Variants in RNF121 observed in about 807,000 individuals in gnomAD.
RNF121 encodes the protein ring finger protein 121.
RNF121 carries 21 observed loss-of-function variants against 46.5 expected under a neutral mutation model. The observed-to-expected ratio is 0.45, with a 90% CI of 0.32 to 0.65. The LOEUF (loss-of-function observed/expected upper bound fraction) is 0.65, where lower values mean the gene tolerates loss of function less well. RNF121 is among the 30% of genes least tolerant of loss of function. RNF121 has a pLI of 0.04. For missense variants in RNF121, 346 were observed against 416.0 expected, an observed-to-expected ratio of 0.83 and a Z score of 1.46; for synonymous variants, 139 against 144.7, an observed-to-expected ratio of 0.96 and a Z score of 0.28.
chr11:71,991,080 A>C (rs1457680394), intron 6 of RNF121, among the ~76,000 whole-genome samples: 1 of 152,162 alleles, frequency 6.6e-6, no homozygotes, highest in Non-Finnish European at 1.5e-5. Context: ...AGGAGGAGGG[A>C]GTGGGGACAA....
rs79411337 is a variant in RNF121, at chr11:71,934,015, C to T, written c.63+4891C>T. ...TCTATGTACTGTTTCTAATTACTTC[C>T]GGGCTTTGTTGGTGCTGTCCAGTCT... On this transcript the variant is annotated intron_variant, in intron 1 of 8. Coordinates refer to ENST00000361756, the MANE Select transcript of RNF121 (RefSeq NM_018320.5). 1.3e-3 allele frequency among the ~76,000 whole-genome samples: 204 copies of T among 152,276 alleles called. 2 individuals carry two copies. The highest frequency in any genetic ancestry group is 6.8e-3 in the Middle Eastern group (2 of 294).
At chr11:71,962,201 C>T in intron 3 of RNF121, 1 of 238,440 alleles carries the variant, frequency 4.2e-6, no homozygotes, top group Non-Finnish European at 6.8e-6. Flanking sequence ...ATCTCCTGAC[C>T]TTGTGATCCG....
chr11:71,987,417 A>G (rs143958999), intron 5 of RNF121, among the ~76,000 whole-genome samples: 6 of 152,348 alleles, frequency 3.9e-5, no homozygotes, highest in East Asian at 1.9e-4. Context: ...CCATAATTCT[A>G]TCACCTTAAC....
intron 3 of RNF121, among the ~76,000 whole-genome samples, chr11:71,967,575 T>C (rs568545175): frequency 2.0e-3 from 308 of 152,210 alleles, no homozygotes; most frequent in African/African-American, 7.3e-3. Context: ...TTTAGTATTT[T>C]GTATTTAGTA....
At chr11:71,936,479 T>C (rs1483101788) in intron 1 of RNF121, among the ~76,000 whole-genome samples, 1 of 151,954 alleles carries the variant, frequency 6.6e-6, no homozygotes, top group African/African-American at 2.4e-5. Flanking sequence ...AAGTTCCGCC[T>C]CCTGGGTTCA....
At chr11:71,993,459 A>G (rs998424270) in intron 6 of RNF121, among the ~76,000 whole-genome samples, 2 of 96,168 alleles carry the variant, frequency 2.1e-5, no homozygotes, top group Non-Finnish European at 4.5e-5. Flanking sequence ...AAATGGAATC[A>G]TACAATATTT....
chr11:71,990,477 G>A (rs2276384), intron 5 of RNF121, 120 bp from the exon 6 acceptor site: 1,235,534 of 1,289,150 alleles, frequency 0.96, 593,369 homozygotes, highest in Non-Finnish European at 0.98. Flanking sequence ...TAGTTTGCCC[G>A]CACTTGCTCT....
intron 1 of RNF121, among the ~76,000 whole-genome samples, chr11:71,940,272 A>G (rs2134151511): frequency 6.6e-6 from 1 of 152,336 alleles, no homozygotes; most frequent in South Asian, 2.1e-4. Flanking sequence ...GAAAAATAAG[A>G]CATGTAGTCC....
At chr11:71,985,700 G>A (rs1458289148) in intron 4 of RNF121, among the ~76,000 whole-genome samples, 1 of 152,194 alleles carries the variant, frequency 6.6e-6, no homozygotes, top group Non-Finnish European at 1.5e-5. Flanking sequence ...ACAGGCTTGT[G>A]CTGGTTATTC....
At chr11:71,966,753 T>C (rs1954286194) in intron 3 of RNF121, among the ~76,000 whole-genome samples, 1 of 152,068 alleles carries the variant, frequency 6.6e-6, no homozygotes, top group South Asian at 2.1e-4. Flanking sequence ...CTTCCCAAAG[T>C]GTTGGGATTA....
At chr11:71,972,837 A>G (rs997907805) in intron 3 of RNF121, among the ~76,000 whole-genome samples, 3 of 152,148 alleles carry the variant, frequency 2.0e-5, no homozygotes, top group Admixed American at 2.0e-4. Flanking sequence ...ACTGAGAAGT[A>G]TCACATTACT....
At chr11:71,958,161 A>G (rs1396715283) in intron 2 of RNF121, among the ~76,000 whole-genome samples, 3 of 152,220 alleles carry the variant, frequency 2.0e-5, no homozygotes. Flanking sequence ...TGAGGTCACA[A>G]ATATTTTGTT....
intron 1 of RNF121, among the ~76,000 whole-genome samples, chr11:71,948,252 A>T (rs1368466092): frequency 6.6e-6 from 1 of 152,186 alleles, no homozygotes; most frequent in Non-Finnish European, 1.5e-5. Flanking sequence ...GCGGTGGCTC[A>T]CGCCTGTAAT....
At chr11:71,930,552 G>C (rs930818909) in intron 1 of RNF121, among the ~76,000 whole-genome samples, 1 of 152,150 alleles carries the variant, frequency 6.6e-6, no homozygotes, top group Non-Finnish European at 1.5e-5. Context: ...AGAGACTACA[G>C]GTGTTTGGAT....
At chr11:71,947,279 C>T (rs1009499704) in intron 1 of RNF121, among the ~76,000 whole-genome samples, 6 of 151,934 alleles carry the variant, frequency 3.9e-5, no homozygotes, top group South Asian at 4.2e-4. Flanking sequence ...AGGCCAGCGC[C>T]GGAGGATCAC....
At position 71,994,714 on chromosome 11, in the gene RNF121, T is replaced by G; in HGVS notation, c.628-5T>G. On this transcript the variant is annotated splice_region_variant and splice_polypyrimidine_tract_variant and intron_variant, in intron 6 of 8. Coordinates refer to ENST00000361756, the MANE Select transcript of RNF121 (RefSeq NM_018320.5). ...CTATCTTTCCTTCCTGCTATTCTCC[T>G]TCAGTTCTACAGCGAGTCGGGCATG... is the stretch of plus-strand genomic sequence containing the variant. The G allele has an allele frequency of 6.2e-7, 1 of 1,614,176 alleles. No individual in the cohort carries two copies. The highest frequency in any genetic ancestry group is 8.5e-7 in the Non-Finnish European group (1 of 1,180,016).
chr11:71,996,428 C>T lies in RNF121; in HGVS notation c.*113C>T. ...GAAAGACTCAAAGGGGTGCTTGGGCCACTCAGGACCCCTCTGGCTGTGTCG... is the reference window on the plus strand; with the variant it reads ...GAAAGACTCAAAGGGGTGCTTGGGCTACTCAGGACCCCTCTGGCTGTGTCG... On this transcript the variant is annotated 3_prime_UTR_variant, in exon 9 of 9. Transcript: ENST00000361756. 1 of 1,298,206 alleles carries T rather than the reference C, an allele frequency of 7.7e-7. No homozygotes were observed. The highest frequency in any genetic ancestry group is 1.1e-6 in the Non-Finnish European group (1 of 948,430). The allele number at this position is 1,298,206 out of a possible 1,614,324, so 80.4% of individuals were successfully genotyped here. A position where few individuals can be genotyped will look rare whatever the true frequency, so the allele number is the denominator to read the frequency against.
intron 3 of RNF121, chr11:71,962,255 C>T (rs112911019): frequency 0.027 from 25,918 of 974,904 alleles, 383 homozygotes; most frequent in East Asian, 0.076. Flanking sequence ...TGAGCCACCG[C>T]GCCCGGCAGA....
intron 3 of RNF121, chr11:71,962,002 G>A (rs1324726325): frequency 1.5e-5 from 2 of 130,040 alleles, no homozygotes; most frequent in African/African-American, 2.9e-5. Flanking sequence ...GAGTCTCGCT[G>A]TGTCGCCCAG....
Sources: gnomAD v4.1 joint callset for allele counts (sites outside exome capture counted in the v4.1 genomes callset) on GRCh38, gnomAD v4.1.1 for gene constraint, MANE v1.5 for transcripts, NCBI Gene and HGNC (gene_info 2026-07-23, HGNC 2026-07-21) for gene names.